KAZN: variants seen among roughly 807,000 people sequenced by gnomAD.
KAZN encodes the protein kazrin.
In KAZN, 40 loss-of-function variants were observed where a neutral mutation model predicts 87.4. The ratio of observed to expected loss-of-function variants is 0.46; its 90% CI spans 0.36 to 0.60. The LOEUF is 0.60. Among genes scored for constraint, KAZN ranks in the 20% least tolerant of loss-of-function variants. The probability of loss-of-function intolerance (pLI) is 0.00; values close to 1 mark genes in which losing one functional copy is unlikely to be tolerated. For missense variants in KAZN, 898 were observed against 1,073.9 expected (o/e 0.84, Z 2.29); for synonymous variants, 466 against 458.3 (o/e 1.02, Z -0.22).
intron 1 of KAZN, among the ~76,000 whole-genome samples, chr1:14,631,965 A>C (rs1679604012): frequency 2.0e-5 from 3 of 152,258 alleles, no homozygotes; most frequent in Admixed American, 2.0e-4. Context: ...GATTGGATTT[A>C]GAAGTTTGGA....
chr1:14,901,593 T>C (rs1208732435), intron 1 of KAZN, among the ~76,000 whole-genome samples: 1 of 152,092 alleles, frequency 6.6e-6, no homozygotes, highest in Non-Finnish European at 1.5e-5. Flanking sequence ...GGAGAGATAA[T>C]GGCAGCTCAG....
At chr1:14,665,042 C>T (rs1452486598) in intron 1 of KAZN, among the ~76,000 whole-genome samples, 1 of 152,142 alleles carries the variant, frequency 6.6e-6, no homozygotes, top group Admixed American at 6.5e-5. Context: ...ATCCTTCTGC[C>T]CAGGCATGGG....
intron 2 of KAZN, among the ~76,000 whole-genome samples, chr1:14,233,244 G>A (rs1279208630): frequency 6.6e-6 from 1 of 152,024 alleles, no homozygotes; most frequent in Non-Finnish European, 1.5e-5. Context: ...TGATCCTTCT[G>A]CCTCAGCCTC....
chr1:14,478,249 A>AGAAGGAAGGAAGGAAGGAAG (rs141017159), intron 2 of KAZN, among the ~76,000 whole-genome samples: 2 of 101,476 alleles, frequency 2.0e-5, no homozygotes, highest in Admixed American at 1.1e-4. Context: ...AGGAAGGAAA[A>AGAAGGAAGGAAGGAAGGAAG]GAAGGAAGGA....
chr1:13,912,190 C>G lies in KAZN; in HGVS notation c.91+18434C>G, dbSNP rs529843913. On this transcript the variant is annotated intron_variant, in intron 1 of 16. Coordinates refer to the KAZN transcript ENST00000636203. ...GGCTGCCCTGGGCACCCCCTTTACC[C>G]AGCACACAGGTCAAATCTTATTATT... 4.9e-4 allele frequency among the ~76,000 whole-genome samples: 74 copies of G among 152,314 alleles called. 1 individual carries two copies. The highest frequency in any genetic ancestry group is 1.7e-3 in the African/African-American group (71 of 41,572).
At chr1:14,420,343 G>C (rs1665304473) in intron 2 of KAZN, among the ~76,000 whole-genome samples, 1 of 152,228 alleles carries the variant, frequency 6.6e-6, no homozygotes, top group African/African-American at 2.4e-5. Context: ...ACAGGGTGCT[G>C]ATTGGTGCAT....
intron 2 of KAZN, among the ~76,000 whole-genome samples, chr1:14,276,585 C>T (rs181395702): frequency 1.3e-5 from 2 of 152,192 alleles, no homozygotes; most frequent in East Asian, 1.9e-4. Flanking sequence ...AGGCATTCCT[C>T]GACTTGTAGA....
intron 1 of KAZN, among the ~76,000 whole-genome samples, chr1:14,713,638 G>C (rs1417506745): frequency 1.3e-5 from 2 of 151,986 alleles, no homozygotes; most frequent in Non-Finnish European, 2.9e-5. Flanking sequence ...CTGGCCCCAA[G>C]TGTCAGTATT....
In KAZN at chr1:14,949,432, A is replaced by C. The variant is rs1430139704; in HGVS notation, c.227-11252A>C. 1.3e-5 allele frequency among the ~76,000 whole-genome samples: 2 copies of C among 152,116 alleles called. No individual in the cohort carries two copies. The highest frequency in any genetic ancestry group is 3.9e-4 in the East Asian group (2 of 5,176). On this transcript the variant is annotated intron_variant, in intron 1 of 14. Coordinates refer to ENST00000376030, the MANE Select transcript of KAZN (RefSeq NM_201628.3). This position sits in a 1 kb window ranked among gnomAD's most constrained non-coding sequence, Gnocchi z 4.3. ...AGGAGCAGACTGTTCATAAGTCATCAAGGAGGCCTGGCCATGGGCTCTGGG... is the reference window on the plus strand; with the variant it reads ...AGGAGCAGACTGTTCATAAGTCATCCAGGAGGCCTGGCCATGGGCTCTGGG...
At chr1:14,234,173 G>A (rs1283458398) in intron 2 of KAZN, among the ~76,000 whole-genome samples, 2 of 152,146 alleles carry the variant, frequency 1.3e-5, no homozygotes, top group Admixed American at 1.3e-4. Context: ...TGATAGACTG[G>A]ATAAAGAAAA....
At chr1:14,733,651 T>C (rs1174413877) in intron 1 of KAZN, among the ~76,000 whole-genome samples, 1 of 152,010 alleles carries the variant, frequency 6.6e-6, no homozygotes, top group Non-Finnish European at 1.5e-5. Flanking sequence ...CCAGGGCCCC[T>C]TTGATGTTCA....
intron 2 of KAZN, among the ~76,000 whole-genome samples, chr1:14,565,480 A>C (rs4661503): frequency 0.45 from 67,727 of 152,038 alleles, 15,987 homozygotes; most frequent in Non-Finnish European, 0.53. Flanking sequence ...CTCAATGCTG[A>C]TGGTGGCTGC....
At chr1:14,929,081 G>T (rs1026242517) in intron 1 of KAZN, among the ~76,000 whole-genome samples, 1 of 152,184 alleles carries the variant, frequency 6.6e-6, no homozygotes, top group African/African-American at 2.4e-5. Context: ...CTGTAAAATG[G>T]AAATTGTATT....
chr1:14,531,973 AT>A (rs1214713229), intron 2 of KAZN, among the ~76,000 whole-genome samples: 27 of 152,076 alleles, frequency 1.8e-4, no homozygotes, highest in African/African-American at 5.8e-4. Context: ...CCCATCTCTC[AT>A]TTTGATTTTA....
chr1:15,086,496 A>G (rs375009347), intron 8 of KAZN, among the ~76,000 whole-genome samples: 1 of 152,252 alleles, frequency 6.6e-6, no homozygotes, highest in East Asian at 1.9e-4. Context: ...CTAACTACCA[A>G]AACACTTGTA....
intron 2 of KAZN, among the ~76,000 whole-genome samples, chr1:14,522,106 C>G (rs1557774977): frequency 6.6e-6 from 1 of 152,196 alleles, no homozygotes; most frequent in Non-Finnish European, 1.5e-5. Context: ...ACTCACACTC[C>G]TGCTTGCATA....
intron 1 of KAZN, among the ~76,000 whole-genome samples, chr1:14,855,315 A>C (rs1056875620): frequency 1.3e-5 from 2 of 152,184 alleles, no homozygotes; most frequent in African/African-American, 4.8e-5. Flanking sequence ...AGTCCTGCTG[A>C]TAAGGAGTTT....
chr1:14,234,728 T>G (rs1271237665), intron 2 of KAZN, among the ~76,000 whole-genome samples: 1 of 152,184 alleles, frequency 6.6e-6, no homozygotes, highest in East Asian at 1.9e-4. Context: ...TGGACTAAAT[T>G]TGTGCCAAAT....
At chr1:14,240,125 A>G (rs10803476) in intron 2 of KAZN, among the ~76,000 whole-genome samples, 71,796 of 152,168 alleles carry the variant, frequency 0.47, 18,168 homozygotes, top group Non-Finnish European at 0.57. Context: ...GTATGGTCCA[A>G]TGTTCAGAGC....
Sources: gnomAD v4.1 joint callset for allele counts (sites outside exome capture counted in the v4.1 genomes callset) on GRCh38, gnomAD v4.1.1 for gene constraint, Gnocchi (gnomAD v3.1) non-coding constraint, MANE v1.5 for transcripts, NCBI Gene and HGNC (gene_info 2026-07-23, HGNC 2026-07-21) for gene names.